The following CHLSN variants were observed in gnomAD, a reference collection of about 807,000 sequenced individuals.
The protein encoded by CHLSN is protein cholesin.
chr7:1,120,392 G>T, the CHLSN span, among the ~76,000 whole-genome samples: 2 of 151,916 alleles, frequency 1.3e-5, no homozygotes, highest in Admixed American at 1.3e-4. Flanking sequence ...TGCAGCCTCC[G>T]GTGATTCTCC....
chr7:1,126,879 ACAGGCTTT>A, the CHLSN span, among the ~76,000 whole-genome samples: 2 of 152,132 alleles, frequency 1.3e-5, 1 homozygote, highest in South Asian at 4.1e-4. Context: ...ATTTTTAAAC[ACAGGCTTT>A]CAGGACACGC....
the CHLSN span, chr7:988,962 G>T: frequency 1.7e-6 from 1 of 603,476 alleles, no homozygotes; most frequent in South Asian, 2.1e-5. Flanking sequence ...CCCCCACAGG[G>T]TCAGCAACTG....
the CHLSN span, chr7:1,057,375 G>A: frequency 6.2e-5 from 37 of 598,636 alleles, no homozygotes; most frequent in African/African-American, 2.8e-4. Flanking sequence ...AGGCAGCCTC[G>A]CTCTGTGGTC....
At chr7:1,119,810 G>C in the CHLSN span, among the ~76,000 whole-genome samples, 1 of 151,678 alleles carries the variant, frequency 6.6e-6, no homozygotes, top group Non-Finnish European at 1.5e-5. Context: ...CCGGGAGGCA[G>C]AGGTTGCGGT....
the CHLSN span, among the ~76,000 whole-genome samples, chr7:996,699 G>A: frequency 6.6e-6 from 1 of 152,256 alleles, no homozygotes; most frequent in Non-Finnish European, 1.5e-5. Context: ...GGTGCCCCGC[G>A]GCACCTCACA....
chr7:1,100,325 A>G, the CHLSN span, among the ~76,000 whole-genome samples: 1 of 151,906 alleles, frequency 6.6e-6, no homozygotes, highest in Non-Finnish European at 1.5e-5. Context: ...TGTTCAGGCC[A>G]CTCTCGCTCT....
the CHLSN span, chr7:1,009,910 G>A: frequency 3.4e-6 from 5 of 1,473,534 alleles, no homozygotes; most frequent in Non-Finnish European, 2.7e-6. Flanking sequence ...GGGTTGAGAC[G>A]CACGTCCGGG....
the CHLSN span, among the ~76,000 whole-genome samples, chr7:1,067,366 C>T: frequency 6.4e-4 from 23 of 36,082 alleles, no homozygotes; most frequent in Non-Finnish European, 7.2e-4. Context: ...CTGCAGTGCA[C>T]CCCAGAGGTG....
chr7:986,904 T>G, the CHLSN span: 1 of 1,344,778 alleles, frequency 7.4e-7, no homozygotes, highest in Non-Finnish European at 9.8e-7. Flanking sequence ...CCAAGCTCCC[T>G]ACCTCCTGGC....
chr7:1,007,500 G>T, the CHLSN span, among the ~76,000 whole-genome samples: 1 of 152,172 alleles, frequency 6.6e-6, no homozygotes, highest in African/African-American at 2.4e-5. Flanking sequence ...GATACCGTGG[G>T]CTCCACACAT....
the CHLSN span, among the ~76,000 whole-genome samples, chr7:1,011,532 C>A: frequency 6.6e-6 from 1 of 150,644 alleles, no homozygotes; most frequent in African/African-American, 2.5e-5. Context: ...CAGACACCTG[C>A]AGACACCCAC....
the CHLSN span, among the ~76,000 whole-genome samples, chr7:1,020,152 A>C: frequency 6.6e-6 from 1 of 151,276 alleles, no homozygotes; most frequent in Non-Finnish European, 1.5e-5. Flanking sequence ...TGGATGCGGC[A>C]GGCCCCGCGT....
the CHLSN span, among the ~76,000 whole-genome samples, chr7:1,034,513 G>C: frequency 1.3e-5 from 2 of 152,102 alleles, no homozygotes; most frequent in Non-Finnish European, 2.9e-5. Flanking sequence ...GCCTGATTTC[G>C]GGACATCGGA....
the CHLSN span, chr7:1,087,326 G>A: frequency 1.3e-5 from 2 of 152,202 alleles, no homozygotes; most frequent in Non-Finnish European, 2.9e-5. Flanking sequence ...ACCGGCTGAG[G>A]GTCCCTGGTC....
At chr7:1,122,446 G>A in the CHLSN span, among the ~76,000 whole-genome samples, 146 of 152,320 alleles carry the variant, frequency 9.6e-4, 1 homozygote, top group African/African-American at 3.3e-3. Context: ...GGGTGGTCAC[G>A]CGTATGCCGC....
At chr7:1,134,279 G>C in the CHLSN span, among the ~76,000 whole-genome samples, 1 of 143,776 alleles carries the variant, frequency 7.0e-6, no homozygotes, top group African/African-American at 2.8e-5. Flanking sequence ...TCTCTTAAAA[G>C]GGTGGGGGGC....
the CHLSN span, among the ~76,000 whole-genome samples, chr7:1,022,670 A>C: frequency 6.6e-6 from 1 of 152,146 alleles, no homozygotes; most frequent in African/African-American, 2.4e-5. Flanking sequence ...CTTCTTAATG[A>C]TCAGAAACAC....
chr7:1,050,219 ACTC>A, the CHLSN span, among the ~76,000 whole-genome samples: 1 of 152,100 alleles, frequency 6.6e-6, no homozygotes, highest in African/African-American at 2.4e-5. Context: ...GTGGGCAGTG[ACTC>A]CTCAGGCACA....
the CHLSN span, chr7:1,093,195 A>G: frequency 1.9e-6 from 1 of 523,224 alleles, no homozygotes; most frequent in Non-Finnish European, 3.8e-6. Flanking sequence ...CATTTCTGAC[A>G]CCGTCGACCA....
Sources: gnomAD v4.1 joint callset for allele counts (sites outside exome capture counted in the v4.1 genomes callset) on GRCh38, gnomAD v4.1.1 for gene constraint, MANE v1.5 for transcripts, NCBI Gene and HGNC (gene_info 2026-07-23, HGNC 2026-07-21) for gene names.